Variants in MGME1 observed in about 807,000 individuals in gnomAD.
MGME1 encodes chromosome 20 open reading frame 72.
Under a neutral mutation model 33.0 loss-of-function variants are expected in MGME1, and 22 were observed. The observed-to-expected ratio is 0.67, with a 90% CI of 0.48 to 0.95. MGME1 has a LOEUF of 0.95. MGME1 is among the 40% of genes least tolerant of loss of function. MGME1 has a pLI of 0.00. For synonymous variants in MGME1, 133 were observed against 144.0 expected (o/e 0.92, Z 0.55); for missense variants, 383 against 397.8 (o/e 0.96, Z 0.32).
At chr20:17,984,011 G>T (rs993205300) in intron 3 of MGME1, among the ~76,000 whole-genome samples, 6 of 152,130 alleles carry the variant, frequency 3.9e-5, no homozygotes, top group African/African-American at 1.4e-4. Context: ...GCTCAGATCA[G>T]TGTTGGGGAG....
At chr20:17,975,613 A>G in intron 2 of MGME1, 71 bp from the exon 3 acceptor site, 1 of 1,047,044 alleles carries the variant, frequency 9.6e-7, no homozygotes, top group Non-Finnish European at 1.4e-6. Context: ...AGGGCGTTTT[A>G]GAGTATTTGT....
chr20:17,988,136 C>T (rs1271098139), intron 3 of MGME1, 30 bp from the exon 4 acceptor site: 2 of 1,593,712 alleles, frequency 1.3e-6, no homozygotes, highest in Non-Finnish European at 1.7e-6. Context: ...GATCTATTAC[C>T]TACAAAGTCT....
At chr20:17,983,077 A>T (rs979146632) in intron 3 of MGME1, among the ~76,000 whole-genome samples, 1 of 152,020 alleles carries the variant, frequency 6.6e-6, no homozygotes, top group African/African-American at 2.4e-5. Context: ...CTCCATCCCT[A>T]TCCTCTTGTA....
Position 17,980,964 on chromosome 20 carries a change from T to C in MGME1, c.731+5061T>C, listed in dbSNP as rs543219756. Among the ~76,000 whole-genome samples the C allele has an allele frequency of 1.4e-4, 22 of 152,324 alleles. No homozygotes were observed. The East Asian group carries it at 4.0e-3, about 28-fold the overall frequency. On this transcript the variant is annotated intron_variant, in intron 3 of 4. Transcript: ENST00000377710. Reference sequence around the variant, plus strand: ...CCCTGTGATTACATGGAGATCTTTTTTTTAAAGAAATATAATATTACAGAT... The same window carrying C: ...CCCTGTGATTACATGGAGATCTTTTCTTTAAAGAAATATAATATTACAGAT...
intron 1 of MGME1, 145 bp from the exon 2 acceptor site, chr20:17,969,656 T>C (rs1448799197): frequency 1.9e-6 from 1 of 533,894 alleles, no homozygotes; most frequent in East Asian, 3.1e-5. Flanking sequence ...GATTTATTTA[T>C]AAATTTTTTT....
rs1279041012 is a variant in MGME1 at position 17,990,542 on chromosome 20, G to T, written c.*433G>T. On this transcript the variant is annotated 3_prime_UTR_variant, in exon 5 of 5. Transcript: ENST00000377710. ...GAAGGGGCTACATGCCCCCAGCTGT[G>T]TGCAGGGAGGACACATCAGCCCACT... 1 of 217,902 alleles carries T rather than the reference G, an allele frequency of 4.6e-6. No individual in the cohort carries two copies. The highest frequency in any genetic ancestry group is 1.1e-4 in the East Asian group (1 of 8,962). 13.5% of individuals were successfully genotyped at this position (217,902 alleles called of 1,614,324 possible). A position where few individuals can be genotyped will look rare whatever the true frequency, so the allele number is the denominator to read the frequency against.
intron 3 of MGME1, among the ~76,000 whole-genome samples, chr20:17,976,235 T>C (rs1416853353): frequency 6.6e-6 from 1 of 152,178 alleles, no homozygotes; most frequent in Non-Finnish European, 1.5e-5. Context: ...GCGGTTCTCC[T>C]GCCTCAGCCT....
chr20:17,977,085 T>G, intron 3 of MGME1, among the ~76,000 whole-genome samples: 1 of 151,198 alleles, frequency 6.6e-6, no homozygotes, highest in African/African-American at 2.4e-5. Flanking sequence ...AAGAAAGAAT[T>G]TAGGTTGAAG....
chr20:17,979,576 A>ATT (rs1165338499), intron 3 of MGME1, among the ~76,000 whole-genome samples: 1 of 140,048 alleles, frequency 7.1e-6, no homozygotes. Flanking sequence ...CGCCCGGCTA[A>ATT]TTTTTTTTTT....
In MGME1 at chr20:17,970,209, C is replaced by T. The variant is rs1232760683; in HGVS notation, c.350C>T (p.Pro117Leu). 6.2e-7 allele frequency: 1 copy of T among 1,614,210 alleles called. No homozygotes were observed. The highest frequency in any genetic ancestry group is 1.1e-5 in the South Asian group (1 of 91,086). Residue 117 changes from proline (P) to leucine (L), a missense_variant, in exon 2 of 5, where the codon CCT becomes CTT. Pro to Leu is a moderately conservative substitution (Grantham distance 98). Transcript: ENST00000377710. ...ERSDKPNASD[P>L]SVPLKIPLQR... The stretch of plus-strand genomic sequence containing the variant: ...AGTGATAAACCAAATGCAAGTGATC[C>T]TTCAGTTCCTTTGAAAATCCCCTTG...
chr20:17,975,560 A>G (rs1472746829), intron 2 of MGME1, 124 bp from the exon 3 acceptor site: 6 of 771,776 alleles, frequency 7.8e-6, no homozygotes, highest in African/African-American at 5.3e-5. Context: ...CATCCAAAAA[A>G]AAAAAAAAGA....
rs1555792156 is a variant in MGME1 at position 17,990,410 on chromosome 20, T to TGGGA, written c.*304_*305insAGGG. 1 of 44,504 alleles carries TGGGA rather than the reference T, an allele frequency of 2.2e-5. No individual in the cohort carries two copies. The highest frequency in any genetic ancestry group is 4.2e-5 in the Non-Finnish European group (1 of 23,804). 2.8% of individuals were successfully genotyped at this position (44,504 alleles called of 1,614,324 possible). A position where few individuals can be genotyped will look rare whatever the true frequency, so the allele number is the denominator to read the frequency against. On this transcript the variant is annotated 3_prime_UTR_variant, in exon 5 of 5. Coordinates refer to ENST00000377710, the MANE Select transcript of MGME1 (RefSeq NM_052865.4). ...ACTCTTGTACTCCCTTGAGGGACAT[T>TGGGA]GGGGGGGGGGGGGCGTGGTCCCAGG...
intron 4 of MGME1, among the ~76,000 whole-genome samples, chr20:17,988,572 G>A (rs2036211783): frequency 6.6e-6 from 1 of 151,106 alleles, no homozygotes. Context: ...AACCCGCGAG[G>A]TGGAGGTTGT....
chr20:17,981,016 G>A (rs1048411502), intron 3 of MGME1, among the ~76,000 whole-genome samples: 8 of 151,636 alleles, frequency 5.3e-5, no homozygotes, highest in East Asian at 1.9e-4. Flanking sequence ...TGAACCACCC[G>A]TGGCCAAAGG....
intron 3 of MGME1, among the ~76,000 whole-genome samples, chr20:17,976,760 C>G (rs898817500): frequency 6.6e-6 from 1 of 152,152 alleles, no homozygotes; most frequent in African/African-American, 2.4e-5. Flanking sequence ...CTCCTAGGTT[C>G]AAGCTATTAT....
intron 3 of MGME1, among the ~76,000 whole-genome samples, chr20:17,978,851 C>T (rs1405377482): frequency 6.6e-6 from 1 of 152,052 alleles, no homozygotes; most frequent in Admixed American, 6.6e-5. Context: ...TCTCAGTTCA[C>T]TGCAACCTCT....
At position 17,975,806 on chromosome 20, in the gene MGME1, A is replaced by G. The variant is rs765315888; in HGVS notation, c.634A>G (p.Ile212Val). 1 of 1,614,196 alleles carries G rather than the reference A, an allele frequency of 6.2e-7. No homozygotes were observed. Among genetic ancestry groups the G allele is most frequent in the Non-Finnish European group, 8.5e-7 (1 of 1,180,024 alleles). The stretch of plus-strand genomic sequence containing the variant: ...TGGTTACATTGAAAGTGTCCAGCAT[A>G]TTCTGAAAGATGTCAGTGGAGTGCG... ...KSGYIESVQHILKDVSGVRAL... is the reference protein window; with the variant it reads ...KSGYIESVQHVLKDVSGVRAL... Residue 212 changes from isoleucine to valine, a missense_variant, in exon 3 of 5, where the codon ATT becomes GTT. By Grantham distance (29) the Ile-to-Val change is conservative. Coordinates refer to ENST00000377710, the MANE Select transcript of MGME1 (RefSeq NM_052865.4).
chr20:17,975,212 G>A (rs2035827957), intron 2 of MGME1, among the ~76,000 whole-genome samples: 1 of 151,972 alleles, frequency 6.6e-6, no homozygotes, highest in African/African-American at 2.4e-5. Context: ...TATATTCTTA[G>A]GTTTCACAAG....
chr20:17,976,511 T>C (rs2035871579), intron 3 of MGME1, among the ~76,000 whole-genome samples: 1 of 152,184 alleles, frequency 6.6e-6, no homozygotes, highest in Non-Finnish European at 1.5e-5. Flanking sequence ...AGATCCAATT[T>C]CATTCCTGCG....
Sources: allele counts gnomAD v4.1 joint callset (sites outside exome capture counted in the v4.1 genomes callset), GRCh38; gene constraint gnomAD v4.1.1; transcripts MANE v1.5; gene names NCBI Gene and HGNC (gene_info 2026-07-23, HGNC 2026-07-21).